Variants in EHMT1 observed in about 807,000 individuals in gnomAD.
EHMT1 encodes the protein euchromatic histone lysine methyltransferase 1.
A neutral mutation model predicts 147.2 loss-of-function variants in EHMT1; 15 were observed. The observed-to-expected ratio is 0.10, with a 90% CI of 0.07 to 0.16. EHMT1 has a LOEUF of 0.16. Among genes scored for constraint, EHMT1 ranks in the 10% least tolerant of loss-of-function variants. The pLI is 1.00. For missense variants in EHMT1, 1,587 were observed against 1,772.4 expected, an observed-to-expected ratio of 0.90 and a Z score of 1.88; for synonymous variants, 795 against 709.6, an observed-to-expected ratio of 1.12 and a Z score of -1.91.
At chr9:137,830,100 C>CTTTT (rs899678086) in intron 25 of EHMT1, among the ~76,000 whole-genome samples, 17 of 139,326 alleles carry the variant, frequency 1.2e-4, no homozygotes, top group African/African-American at 4.8e-4. Context: ...TGGATTTTTA[C>CTTTT]TTTTTTTTTT....
chr9:137,816,368 G>A lies in EHMT1; in HGVS notation c.3374+306G>A, dbSNP rs192671447. ...ATTACCTTTGTTACCGAGTTCATGC[G>A]AACATTCTTCAACAGGTTAGGGCTG... On this transcript the variant is annotated intron_variant, in intron 23 of 26. Transcript: ENST00000460843. The A allele has an allele frequency of 8.3e-4, 359 of 433,408 alleles. 1 individual carries two copies. The highest frequency in any genetic ancestry group is 6.4e-3 in the African/African-American group (319 of 49,800). 26.8% of individuals were successfully genotyped at this position (433,408 alleles called of 1,614,324 possible).
intron 18 of EHMT1, chr9:137,803,142 G>C: frequency 8.1e-7 from 1 of 1,228,036 alleles, no homozygotes; most frequent in Non-Finnish European, 1.0e-6. Flanking sequence ...CTCTGATGCT[G>C]GTGGCTGTTC....
chr9:137,830,454 T>TTA (rs1166089199), intron 25 of EHMT1, among the ~76,000 whole-genome samples: 8 of 152,240 alleles, frequency 5.3e-5, no homozygotes, highest in African/African-American at 1.9e-4. Context: ...TGTGTTCATG[T>TTA]TAATATTTCC....
chr9:137,706,311 A>T (rs1944271104), intron 1 of EHMT1, among the ~76,000 whole-genome samples: 1 of 152,152 alleles, frequency 6.6e-6, no homozygotes, highest in South Asian at 2.1e-4. Context: ...TAGTTTGCTC[A>T]CTCCAGCTAG....
intron 4 of EHMT1, among the ~76,000 whole-genome samples, chr9:137,730,985 C>A (rs1431773108): frequency 6.6e-6 from 1 of 152,218 alleles, no homozygotes; most frequent in Non-Finnish European, 1.5e-5. Flanking sequence ...GAGTTATGCT[C>A]ACGTATGTGA....
rs534200727 is a variant in EHMT1, at chr9:137,688,686, G to A, written c.22-22281G>A. Among the ~76,000 whole-genome samples the A allele has an allele frequency of 7.9e-5, 12 of 152,282 alleles. No homozygotes were observed. In the South Asian group the frequency reaches 1.9e-3, roughly 24 times the overall value. On this transcript the variant is annotated intron_variant, in intron 1 of 26. Coordinates refer to ENST00000460843, the MANE Select transcript of EHMT1 (RefSeq NM_024757.5). ...TAAAATTTTAATAGATTGTCCAACC[G>A]CTATCCACTTGATTACCATCACTTA...
intron 3 of EHMT1, among the ~76,000 whole-genome samples, chr9:137,719,228 T>C (rs558517546): frequency 1.3e-5 from 2 of 152,166 alleles, no homozygotes; most frequent in Non-Finnish European, 2.9e-5. Context: ...TTTAGCTTTT[T>C]CCCCCACCAG....
chr9:137,717,665 G>T (rs906000128), intron 3 of EHMT1, among the ~76,000 whole-genome samples: 2 of 151,534 alleles, frequency 1.3e-5, no homozygotes, highest in African/African-American at 4.9e-5. Flanking sequence ...TGACAAAGCG[G>T]AGTGATGCCA....
At chr9:137,728,569 A>G (rs1337223218) in intron 4 of EHMT1, 40 bp downstream of exon 4, 3 of 1,613,462 alleles carry the variant, frequency 1.9e-6, no homozygotes, top group Middle Eastern at 1.7e-4. Flanking sequence ...CTTTGAATGT[A>G]TGTTTCGAGC....
chr9:137,692,449 G>C (rs1476792995), intron 1 of EHMT1, among the ~76,000 whole-genome samples: 1 of 151,662 alleles, frequency 6.6e-6, no homozygotes, highest in South Asian at 2.1e-4. Context: ...ATTTTTAGTG[G>C]AAACGGGGTT....
At chr9:137,812,470 T>C (rs1206000811) in intron 19 of EHMT1, among the ~76,000 whole-genome samples, 1 of 152,200 alleles carries the variant, frequency 6.6e-6, no homozygotes, top group Non-Finnish European at 1.5e-5. Flanking sequence ...CTGTGGGTGC[T>C]CCAGGCACCA....
At chr9:137,689,082 C>A (rs999728634) in intron 1 of EHMT1, among the ~76,000 whole-genome samples, 3 of 152,164 alleles carry the variant, frequency 2.0e-5, no homozygotes, top group Non-Finnish European at 4.4e-5. Flanking sequence ...TCTCCATCCC[C>A]CAGGAGTGAC....
intron 1 of EHMT1, among the ~76,000 whole-genome samples, chr9:137,647,760 A>G (rs1845009863): frequency 6.6e-6 from 1 of 151,768 alleles, no homozygotes; most frequent in East Asian, 1.9e-4. Flanking sequence ...ATGCCCAGCT[A>G]ATTTTTTTGT....
At chr9:137,817,716 G>A (rs117509378) in intron 24 of EHMT1, 191 bp downstream of exon 24, 47 of 717,788 alleles carry the variant, frequency 6.5e-5, no homozygotes, top group East Asian at 5.7e-4. Context: ...GCTGCTGCCC[G>A]TAACCAGCCC....
At chr9:137,645,144 A>G (rs886256779) in intron 1 of EHMT1, among the ~76,000 whole-genome samples, 3 of 152,242 alleles carry the variant, frequency 2.0e-5, no homozygotes, top group Non-Finnish European at 2.9e-5. Flanking sequence ...AAGTGCTGGG[A>G]TTACAGGCGT....
At chr9:137,657,763 T>C (rs2055477383) in intron 1 of EHMT1, among the ~76,000 whole-genome samples, 1 of 152,030 alleles carries the variant, frequency 6.6e-6, no homozygotes, top group African/African-American at 2.4e-5. Flanking sequence ...TAGTTCTTAC[T>C]CTATGTTTTG....
chr9:137,717,755 C>T (rs1190246163), intron 3 of EHMT1, among the ~76,000 whole-genome samples: 3 of 152,160 alleles, frequency 2.0e-5, no homozygotes, highest in African/African-American at 7.2e-5. Flanking sequence ...CAGATCCTTT[C>T]AAGGAGGCCA....
At chr9:137,713,263 AT>A (rs59459382) in intron 2 of EHMT1, among the ~76,000 whole-genome samples, 165 of 102,352 alleles carry the variant, frequency 1.6e-3, no homozygotes, top group Middle Eastern at 8.9e-3. Context: ...CACCATGCTA[AT>A]TTTTTTTTTT....
intron 1 of EHMT1, among the ~76,000 whole-genome samples, chr9:137,701,158 G>A (rs928250903): frequency 4.0e-5 from 6 of 150,090 alleles, no homozygotes; most frequent in Non-Finnish European, 8.9e-5. Context: ...GCTCCTACCA[G>A]GTCCCTCCCC....
Sources: allele counts gnomAD v4.1 joint callset (sites outside exome capture counted in the v4.1 genomes callset), GRCh38; gene constraint gnomAD v4.1.1; transcripts MANE v1.5; gene names NCBI Gene and HGNC (gene_info 2026-07-23, HGNC 2026-07-21).